The following PTK2 variants were observed in gnomAD, a reference collection of about 807,000 sequenced individuals.
PTK2 encodes the protein protein tyrosine kinase 2.
In PTK2, 45 loss-of-function variants were observed where a neutral mutation model predicts 150.1. The observed-to-expected ratio is 0.30, with a 90% CI of 0.24 to 0.38. PTK2 has a LOEUF of 0.38. PTK2 is among the 10% of genes least tolerant of loss of function. The pLI is 1.00. For missense variants in PTK2, 919 were observed against 1,307.3 expected, an observed-to-expected ratio of 0.70 and a Z score of 4.58; for synonymous variants, 432 against 449.2, an observed-to-expected ratio of 0.96 and a Z score of 0.48.
chr8:140,927,306 T>A (rs550630038), intron 1 of PTK2: 6 of 152,364 alleles, frequency 3.9e-5, no homozygotes, highest in African/African-American at 1.4e-4. Context: ...CAATTTTTTT[T>A]ACCCTATAAA....
chr8:140,770,070 A>T (rs554525192), intron 14 of PTK2, among the ~76,000 whole-genome samples: 57 of 152,358 alleles, frequency 3.7e-4, no homozygotes, highest in African/African-American at 1.4e-3. Flanking sequence ...TGGGATTTAA[A>T]TATTATAAGG....
intron 14 of PTK2, 66 bp downstream of exon 15, chr8:140,770,650 G>T: frequency 1.3e-6 from 1 of 771,876 alleles, no homozygotes; most frequent in Admixed American, 3.2e-5. Flanking sequence ...TAAGCATCAG[G>T]TTAGAGTTAG....
intron 2 of PTK2, chr8:140,920,970 G>T: frequency 7.3e-7 from 1 of 1,374,180 alleles, no homozygotes; most frequent in Non-Finnish European, 9.4e-7. Context: ...CCAGTTCCTC[G>T]CTGTGATAGT....
rs1161007482 is a variant in PTK2 at position 140,943,219 on chromosome 8, C to CTT, written c.-121-17471_-121-17470insAA. 3.3e-5 allele frequency among the ~76,000 whole-genome samples: 5 copies of CTT among 152,176 alleles called. No individual in the cohort carries two copies. In the East Asian group the frequency reaches 5.8e-4, roughly 18 times the overall value. On this transcript the variant is annotated intron_variant, in intron 1 of 31. Transcript: ENST00000522684. ...GAAGACACAGACTATTTCCATCACC[C>CTT]CAAGAAGTGCCCCCATGCTCTTTTA...
At chr8:140,754,532 C>T (rs1361898729) in intron 16 of PTK2, among the ~76,000 whole-genome samples, 1 of 152,176 alleles carries the variant, frequency 6.6e-6, no homozygotes, top group Non-Finnish European at 1.5e-5. Flanking sequence ...ATCAGAGCAA[C>T]AAAATCTTTG....
chr8:140,789,280 TA>T (rs201077713), intron 14 of PTK2, among the ~76,000 whole-genome samples, 193 bp downstream of exon 14: 3,781 of 123,680 alleles, frequency 0.031, 98 homozygotes, highest in African/African-American at 0.084. Flanking sequence ...TGTCCCATCT[TA>T]AAAAAAAAAA....
intron 15 of PTK2, 184 bp downstream of exon 17, chr8:140,764,050 C>A: frequency 1.6e-6 from 1 of 624,174 alleles, no homozygotes; most frequent in South Asian, 2.3e-5. Context: ...GAGTTTTAGG[C>A]TTCTGACCTT....
At chr8:140,701,375 T>G (rs896069100) in intron 25 of PTK2, among the ~76,000 whole-genome samples, 1 of 152,218 alleles carries the variant, frequency 6.6e-6, no homozygotes, top group African/African-American at 2.4e-5. Flanking sequence ...GTATTAAATA[T>G]TAAATAAAAG....
At chr8:140,716,631 A>T (rs1038226115) in intron 23 of PTK2, among the ~76,000 whole-genome samples, 14 of 152,208 alleles carry the variant, frequency 9.2e-5, no homozygotes, top group African/African-American at 3.1e-4. Flanking sequence ...AAGAAAGTAA[A>T]AGTTTTCAGC....
At chr8:140,865,581 C>T (rs902580663) in intron 4 of PTK2, among the ~76,000 whole-genome samples, 3 of 152,124 alleles carry the variant, frequency 2.0e-5, no homozygotes, top group Non-Finnish European at 4.4e-5. Context: ...GGTACACATA[C>T]GCAAGTTCTG....
chr8:140,994,212 T>A (rs1450486494), intron 1 of PTK2, among the ~76,000 whole-genome samples: 2 of 152,254 alleles, frequency 1.3e-5, no homozygotes, highest in Non-Finnish European at 2.9e-5. Context: ...AGTGTCTCTC[T>A]GAGGCTTCCA....
intron 4 of PTK2, among the ~76,000 whole-genome samples, chr8:140,877,573 T>C (rs1252212392): frequency 6.6e-6 from 1 of 152,114 alleles, no homozygotes; most frequent in Non-Finnish European, 1.5e-5. Flanking sequence ...ATGAAATGTA[T>C]ATTTAAGTTA....
At chr8:140,793,137 C>T (rs571164309) in intron 13 of PTK2, among the ~76,000 whole-genome samples, 109 of 152,204 alleles carry the variant, frequency 7.2e-4, no homozygotes, top group African/African-American at 2.1e-3. Context: ...TTCTTTAGCT[C>T]CCCCATAGAA....
At chr8:140,958,398 G>A (rs1371207168) in intron 1 of PTK2, among the ~76,000 whole-genome samples, 2 of 152,096 alleles carry the variant, frequency 1.3e-5, no homozygotes. Context: ...TCCTGCTGTG[G>A]CCTCCCAAAG....
chr8:140,690,055 C>A (rs1184181867), intron 26 of PTK2, among the ~76,000 whole-genome samples: 1 of 152,232 alleles, frequency 6.6e-6, no homozygotes, highest in Non-Finnish European at 1.5e-5. Flanking sequence ...CGGGTTCATG[C>A]CATTCTCCTG....
chr8:140,786,274 T>C (rs12544919), intron 14 of PTK2, among the ~76,000 whole-genome samples: 1 of 152,194 alleles, frequency 6.6e-6, no homozygotes, highest in Admixed American at 6.6e-5. Context: ...TCCTAGACAC[T>C]GAACACGCTT....
At chr8:140,715,998 G>C (rs2100039493) in intron 23 of PTK2, among the ~76,000 whole-genome samples, 1 of 152,174 alleles carries the variant, frequency 6.6e-6, no homozygotes, top group South Asian at 2.1e-4. Context: ...GGGAAGTGTT[G>C]CATTCTTTGG....
chr8:140,698,197 A>T (rs1176893954), intron 26 of PTK2, among the ~76,000 whole-genome samples: 1 of 152,194 alleles, frequency 6.6e-6, no homozygotes, highest in Non-Finnish European at 1.5e-5. Context: ...TCAGAGCAAC[A>T]TCACAGCAGT....
intron 1 of PTK2, among the ~76,000 whole-genome samples, chr8:140,926,361 T>G (rs1318912074): frequency 6.6e-6 from 1 of 152,126 alleles, no homozygotes; most frequent in Non-Finnish European, 1.5e-5. Context: ...ATGACACAGT[T>G]AAACCACCAC....
Sources: allele counts gnomAD v4.1 joint callset (sites outside exome capture counted in the v4.1 genomes callset), GRCh38; gene constraint gnomAD v4.1.1; transcripts MANE v1.5; gene names NCBI Gene and HGNC (gene_info 2026-07-23, HGNC 2026-07-21).